The following INPP4B variants were observed in gnomAD, a reference collection of about 807,000 sequenced individuals.
INPP4B encodes the protein inositol polyphosphate-4-phosphatase type II B.
Under a neutral mutation model 122.5 loss-of-function variants are expected in INPP4B, and 55 were observed. The observed-to-expected ratio is 0.45, with a 90% CI of 0.36 to 0.56. INPP4B has a LOEUF of 0.56. Among genes scored for constraint, INPP4B ranks in the 20% least tolerant of loss-of-function variants. The pLI, the probability that INPP4B is intolerant of heterozygous loss-of-function variation, is 0.00. For missense variants in INPP4B, 1,000 were observed against 1,097.7 expected, an observed-to-expected ratio of 0.91 and a Z score of 1.26; for synonymous variants, 403 against 388.7, an observed-to-expected ratio of 1.04 and a Z score of -0.43.
intron 1 of INPP4B, among the ~76,000 whole-genome samples, chr4:142,818,441 CGTGTGT>C (rs10656794): frequency 6.7e-6 from 1 of 149,234 alleles, no homozygotes; most frequent in African/African-American, 2.5e-5. Flanking sequence ...GCAATTTAAA[CGTGTGT>C]GTGTGTGTGT....
chr4:142,814,543 T>C (rs1779895422), intron 1 of INPP4B, among the ~76,000 whole-genome samples: 1 of 152,172 alleles, frequency 6.6e-6, no homozygotes, highest in Non-Finnish European at 1.5e-5. Context: ...AAAATCATTT[T>C]ACAGAGTTAT....
chr4:142,263,616 C>T (rs1259605693), intron 10 of INPP4B, among the ~76,000 whole-genome samples: 3 of 106,138 alleles, frequency 2.8e-5, no homozygotes, highest in African/African-American at 6.7e-5. Flanking sequence ...GGAAAATAGA[C>T]CACAAATGAG....
intron 2 of INPP4B, among the ~76,000 whole-genome samples, chr4:142,611,159 G>A (rs1742410372): frequency 6.6e-6 from 1 of 152,160 alleles, no homozygotes. Flanking sequence ...AGGAGGAGGA[G>A]CAAGAGAGAA....
chr4:142,229,729 C>T (rs191302948), intron 12 of INPP4B, among the ~76,000 whole-genome samples: 4 of 152,148 alleles, frequency 2.6e-5, no homozygotes. Flanking sequence ...ATCGGTCATC[C>T]CATAATAGAA....
intron 2 of INPP4B, among the ~76,000 whole-genome samples, chr4:142,496,599 CTT>C (rs1160349244): frequency 6.6e-6 from 1 of 151,994 alleles, no homozygotes; most frequent in African/African-American, 2.4e-5. Flanking sequence ...GACCTCTTTC[CTT>C]TCTTTGTGAG....
At chr4:142,166,183 T>A (rs1822619246) in intron 16 of INPP4B, among the ~76,000 whole-genome samples, 1 of 151,744 alleles carries the variant, frequency 6.6e-6, no homozygotes, top group African/African-American at 2.4e-5. Context: ...TTTGCCTGCT[T>A]TTGTTCTTTT....
At chr4:142,216,073 A>T (rs1243774892) in intron 12 of INPP4B, among the ~76,000 whole-genome samples, 1 of 152,088 alleles carries the variant, frequency 6.6e-6, no homozygotes, top group Non-Finnish European at 1.5e-5. Context: ...CCTATCTGTA[A>T]ACATTCTCAT....
intron 7 of INPP4B, among the ~76,000 whole-genome samples, chr4:142,372,943 A>T (rs1452697813): frequency 2.6e-5 from 4 of 152,016 alleles, no homozygotes; most frequent in Admixed American, 2.0e-4. Context: ...CCAATGACCT[A>T]CCTTCTATAA....
chr4:142,149,286 G>T (rs565626352), intron 17 of INPP4B, among the ~76,000 whole-genome samples: 67 of 152,322 alleles, frequency 4.4e-4, no homozygotes, highest in African/African-American at 1.5e-3. Context: ...GGTGACTCCA[G>T]AGACAGATTA....
intron 1 of INPP4B, among the ~76,000 whole-genome samples, chr4:142,794,049 T>G (rs1380905594): frequency 6.6e-6 from 1 of 152,066 alleles, no homozygotes; most frequent in Non-Finnish European, 1.5e-5. Context: ...GTGATAGTGT[T>G]GGTATCTATC....
At chr4:142,702,463 G>A (rs533555057) in intron 2 of INPP4B, among the ~76,000 whole-genome samples, 1 of 152,160 alleles carries the variant, frequency 6.6e-6, no homozygotes, top group African/African-American at 2.4e-5. Context: ...GGTGGCTCAC[G>A]CCTGTACTCC....
rs190466123 is a variant in INPP4B, at chr4:142,093,201, G to A, written c.2375-6945C>T. ...AAGTCAACAGTCACAGCTGAGCCCA[G>A]CCTTTGAGTGAGGTTATCCCAGGTG... On this transcript the variant is annotated intron_variant, in intron 23 of 25. Transcript: ENST00000262992. 7.2e-5 allele frequency among the ~76,000 whole-genome samples: 11 copies of A among 152,246 alleles called. No homozygotes were observed. The East Asian group carries it at 2.1e-3, about 29-fold the overall frequency.
chr4:142,766,263 T>C (rs1324176844), intron 1 of INPP4B, among the ~76,000 whole-genome samples: 1 of 152,180 alleles, frequency 6.6e-6, no homozygotes, highest in African/African-American at 2.4e-5. Context: ...AACAACAGAA[T>C]AAGGTGTAAG....
intron 2 of INPP4B, among the ~76,000 whole-genome samples, chr4:142,526,645 T>A (rs560358712): frequency 6.6e-6 from 1 of 152,232 alleles, no homozygotes; most frequent in South Asian, 2.1e-4. Flanking sequence ...GTAACATCCG[T>A]AAATCCATGT....
At chr4:142,151,272 T>C (rs1813751538) in intron 17 of INPP4B, among the ~76,000 whole-genome samples, 1 of 152,082 alleles carries the variant, frequency 6.6e-6, no homozygotes, top group South Asian at 2.1e-4. Context: ...ACGGTATCTC[T>C]TTCTTTCACA....
At chr4:142,279,758 CA>C (rs1750308785) in intron 9 of INPP4B, among the ~76,000 whole-genome samples, 1 of 151,776 alleles carries the variant, frequency 6.6e-6, no homozygotes, top group African/African-American at 2.4e-5. Context: ...TAAAGCTTGT[CA>C]AAACTGCAAA....
chr4:142,323,364 G>A (rs1189963830), intron 7 of INPP4B, among the ~76,000 whole-genome samples: 1 of 152,004 alleles, frequency 6.6e-6, no homozygotes, highest in Non-Finnish European at 1.5e-5. Flanking sequence ...GAGTGAAATG[G>A]GTCATAATGA....
intron 9 of INPP4B, among the ~76,000 whole-genome samples, chr4:142,295,937 TC>T (rs1224804502): frequency 6.6e-6 from 1 of 152,074 alleles, no homozygotes. Context: ...TATGGGCAAA[TC>T]CAATACAAAA....
At chr4:142,095,618 G>A (rs1423864188) in intron 23 of INPP4B, among the ~76,000 whole-genome samples, 2 of 152,072 alleles carry the variant, frequency 1.3e-5, no homozygotes, top group African/African-American at 4.8e-5. Flanking sequence ...CTCACCTATA[G>A]GAGCATTCCA....
Sources: gnomAD v4.1 joint callset for allele counts (sites outside exome capture counted in the v4.1 genomes callset) on GRCh38, gnomAD v4.1.1 for gene constraint, MANE v1.5 for transcripts, NCBI Gene and HGNC (gene_info 2026-07-23, HGNC 2026-07-21) for gene names.